BMP5: variants seen among roughly 807,000 people sequenced by gnomAD.
The protein encoded by BMP5 is bone morphogenetic protein 5.
In BMP5, 23 loss-of-function variants were observed where a neutral mutation model predicts 46.6. The ratio of observed to expected loss-of-function variants is 0.49; its 90% CI spans 0.35 to 0.70. BMP5 has a LOEUF of 0.70. Among genes scored for constraint, BMP5 ranks in the 30% least tolerant of loss-of-function variants. The pLI is 0.00. For missense variants in BMP5, 545 were observed against 565.6 expected, an observed-to-expected ratio of 0.96 and a Z score of 0.37; for synonymous variants, 204 against 191.9, an observed-to-expected ratio of 1.06 and a Z score of -0.52.
chr6:55,873,232 G>A (rs150214546), intron 1 of BMP5, among the ~76,000 whole-genome samples: 171 of 152,044 alleles, frequency 1.1e-3, no homozygotes, highest in African/African-American at 4.0e-3. Flanking sequence ...CCTTTGAGAT[G>A]TTACATGAGG....
intron 2 of BMP5, among the ~76,000 whole-genome samples, chr6:55,797,615 T>C (rs1055400307): frequency 3.0e-5 from 2 of 67,038 alleles, no homozygotes; most frequent in African/African-American, 1.1e-4. Context: ...TTTTCTTTTC[T>C]TTTTTTTTTT....
Position 55,787,807 on chromosome 6 carries a change from C to G in BMP5, c.832+6472G>C, listed in dbSNP as rs58518406. Among the ~76,000 whole-genome samples the G allele has an allele frequency of 3.7e-3, 562 of 151,438 alleles. 2 individuals carry two copies. Among genetic ancestry groups the G allele is most frequent in the Middle Eastern group, 0.017 (5 of 292 alleles). On this transcript the variant is annotated intron_variant, in intron 3 of 6. Transcript: ENST00000370830. ...TTTGAAGTTTGCAGAATAATATTGG[C>G]GAAAATAAAAGAGGATTAAACTGTT...
intron 3 of BMP5, among the ~76,000 whole-genome samples, chr6:55,777,562 A>G (rs1775206392): frequency 6.6e-6 from 1 of 152,038 alleles, no homozygotes; most frequent in African/African-American, 2.4e-5. Flanking sequence ...AAAATAAAGT[A>G]TGGTAAGGAT....
intron 3 of BMP5, among the ~76,000 whole-genome samples, chr6:55,793,582 G>A (rs1775625134): frequency 6.6e-6 from 1 of 151,996 alleles, no homozygotes; most frequent in Non-Finnish European, 1.5e-5. Flanking sequence ...TCAGTATTAG[G>A]GCATATAGTA....
chr6:55,768,476 A>G (rs1307497777), intron 4 of BMP5, among the ~76,000 whole-genome samples: 1 of 151,938 alleles, frequency 6.6e-6, no homozygotes, highest in Non-Finnish European at 1.5e-5. Flanking sequence ...GAGTTTGCCC[A>G]GCTGTAGGCT....
Position 55,787,626 on chromosome 6 carries a change from T to G in BMP5, c.832+6653A>C, listed in dbSNP as rs920966815. ...GAAGAAAAAGATGAATCCTGTTCTT[T>G]GTTAACATAGCTGTAACAGTTGTCA... On this transcript the variant is annotated intron_variant, in intron 3 of 6. Coordinates refer to ENST00000370830, the MANE Select transcript of BMP5 (RefSeq NM_021073.4). 3.3e-5 allele frequency among the ~76,000 whole-genome samples: 5 copies of G among 151,790 alleles called. No individual in the cohort carries two copies. In the East Asian group the frequency reaches 5.8e-4, roughly 18 times the overall value.
chr6:55,796,675 A>T (rs1775720874), intron 2 of BMP5, among the ~76,000 whole-genome samples: 1 of 105,026 alleles, frequency 9.5e-6, no homozygotes, highest in Non-Finnish European at 1.8e-5. Context: ...AACAGTCCCC[A>T]GAGTGTGATG....
chr6:55,819,856 A>T lies in BMP5; in HGVS notation c.491-9T>A, dbSNP rs377330721. 157 of 1,611,740 alleles carry T rather than the reference A, an allele frequency of 9.7e-5. No individual in the cohort carries two copies. The highest frequency in any genetic ancestry group is 2.5e-4 in the Admixed American group (15 of 59,874). ...ATCCTTGTCTCTTTCAACTGAAAAA[A>T]TAAAGGGGGTTGAGGGGGAAAAAAG... On this transcript the variant is annotated splice_polypyrimidine_tract_variant and intron_variant, in intron 1 of 6. Coordinates refer to ENST00000370830, the MANE Select transcript of BMP5 (RefSeq NM_021073.4).
intron 2 of BMP5, among the ~76,000 whole-genome samples, chr6:55,816,724 T>G (rs761069968): frequency 5.3e-5 from 8 of 152,122 alleles, no homozygotes; most frequent in Non-Finnish European, 1.2e-4. Flanking sequence ...CATAGGATAT[T>G]AATAAGTACT....
intron 2 of BMP5, among the ~76,000 whole-genome samples, chr6:55,813,254 T>A (rs1400925984): frequency 2.0e-5 from 3 of 152,146 alleles, no homozygotes; most frequent in Non-Finnish European, 2.9e-5. Flanking sequence ...TCAACTATAA[T>A]TATTCACATT....
In BMP5 at chr6:55,874,909, C is replaced by G; in HGVS notation, c.-44G>C. The G allele has an allele frequency of 1.3e-6, 2 of 1,578,178 alleles. No individual in the cohort carries two copies. The highest frequency in any genetic ancestry group is 1.7e-6 in the Non-Finnish European group (2 of 1,168,134). On this transcript the variant is annotated 5_prime_UTR_variant, in exon 1 of 7. Coordinates refer to ENST00000370830, the MANE Select transcript of BMP5 (RefSeq NM_021073.4). ...GTTGATATTTTTAGTCCTTCTTGTC[C>G]TCTTAAAAAAAAAAAAAACCTAAGG...
At chr6:55,785,507 C>T (rs12198543) in intron 3 of BMP5, among the ~76,000 whole-genome samples, 5 of 151,716 alleles carry the variant, frequency 3.3e-5, no homozygotes, top group African/African-American at 1.2e-4. Context: ...TAAGACATTA[C>T]GCGAGTTAGA....
rs773085198 is a variant in BMP5 at position 55,819,773 on chromosome 6, G to A, written c.565C>T (p.His189Tyr). The A allele has an allele frequency of 6.2e-7, 1 of 1,613,686 alleles. No individual in the cohort carries two copies. Among genetic ancestry groups the A allele is most frequent in the South Asian group, 1.1e-5 (1 of 91,054 alleles). Residue 189 changes from histidine to tyrosine, a missense_variant, in exon 2 of 7, where the codon CAT becomes TAT. His to Tyr is a moderately conservative substitution (Grantham distance 83, BLOSUM62 2). Transcript: ENST00000370830. ...EFRFDLTQIP[H>Y]GEAVTAAEFR... ...TCAGCTGCTGTCACTGCCTCTCCAT[G>A]AGGAATTTGGGTAAGATCAAATCGA...
At chr6:55,854,756 A>C (rs1777344180) in intron 1 of BMP5, among the ~76,000 whole-genome samples, 1 of 152,138 alleles carries the variant, frequency 6.6e-6, no homozygotes, top group Non-Finnish European at 1.5e-5. Context: ...CATTTCTAGA[A>C]TTAAAATCAA....
intron 1 of BMP5, among the ~76,000 whole-genome samples, chr6:55,865,112 C>A (rs1181708959): frequency 6.6e-6 from 1 of 152,046 alleles, no homozygotes; most frequent in African/African-American, 2.4e-5. Flanking sequence ...GACTTTCCTG[C>A]TTAGAGTTTA....
intron 1 of BMP5, among the ~76,000 whole-genome samples, chr6:55,845,209 A>C (rs1777070388): frequency 6.6e-6 from 1 of 152,070 alleles, no homozygotes; most frequent in South Asian, 2.1e-4. Flanking sequence ...ATGAGATTTA[A>C]ATTTTTTGCC....
intron 6 of BMP5, among the ~76,000 whole-genome samples, chr6:55,757,639 C>G (rs563037363): frequency 1.3e-5 from 2 of 152,024 alleles, no homozygotes; most frequent in South Asian, 2.1e-4. Context: ...GAAGTCATAT[C>G]AGACTTTAAA....
intron 2 of BMP5, among the ~76,000 whole-genome samples, chr6:55,799,696 C>T (rs1041144848): frequency 6.6e-6 from 1 of 152,200 alleles, no homozygotes; most frequent in East Asian, 1.9e-4. Context: ...TATCATACTT[C>T]AATTGTCCTA....
At chr6:55,843,666 AAAT>A (rs1015916622) in intron 1 of BMP5, among the ~76,000 whole-genome samples, 3 of 152,074 alleles carry the variant, frequency 2.0e-5, no homozygotes, top group African/African-American at 7.2e-5. Flanking sequence ...TTAAGGGAAA[AAAT>A]AATCTGAAAT....
Sources: allele counts gnomAD v4.1 joint callset (sites outside exome capture counted in the v4.1 genomes callset), GRCh38; gene constraint gnomAD v4.1.1; transcripts MANE v1.5; gene names NCBI Gene and HGNC (gene_info 2026-07-23, HGNC 2026-07-21).